The following TTC7B variants were observed in gnomAD, a reference collection of about 807,000 sequenced individuals.
TTC7B encodes tetratricopeptide repeat protein 7B.
In TTC7B, 28 loss-of-function variants were observed where a neutral mutation model predicts 106.8. The observed-to-expected ratio is 0.26, with a 90% CI of 0.19 to 0.36. The LOEUF (loss-of-function observed/expected upper bound fraction) is 0.36, where lower values mean the gene tolerates loss of function less well. Ranked by LOEUF, TTC7B falls within the 10% of genes least tolerant of loss-of-function variation. TTC7B has a pLI of 1.00. For missense variants in TTC7B, 862 were observed against 1,076.4 expected, an observed-to-expected ratio of 0.80 and a Z score of 2.79; for synonymous variants, 405 against 430.6, an observed-to-expected ratio of 0.94 and a Z score of 0.74.
Position 90,537,380 on chromosome 14 carries a change from G to GGGC in TTC7B, c.*3987_*3988insGCC, listed in dbSNP as rs1889445406. ...TTTTTTTTTTTGTAGAGATGGGGGG[G>GGGC]GGGTCTCACCATGTTGCCCAGGCTG... On this transcript the variant is annotated 3_prime_UTR_variant, in exon 20 of 20. Transcript: ENST00000328459. The GGGC allele has an allele frequency of 6.7e-6, 1 of 149,816 alleles. No homozygotes were observed. Among genetic ancestry groups the GGGC allele is most frequent in the African/African-American group, 2.5e-5 (1 of 40,146 alleles). The allele number at this position is 149,816 out of a possible 1,614,324, so 9.3% of individuals were successfully genotyped here.
chr14:90,786,400 C>T, intron 1 of TTC7B, 72 bp from the exon 2 acceptor site: 1 of 1,577,446 alleles, frequency 6.3e-7, no homozygotes, highest in Non-Finnish European at 8.6e-7. Context: ...ACTCAAGGGA[C>T]CCCAGAACCA....
chr14:90,776,174 C>CACACAA (rs2140031205), intron 3 of TTC7B, among the ~76,000 whole-genome samples: 2 of 150,844 alleles, frequency 1.3e-5, no homozygotes, highest in East Asian at 3.9e-4. Context: ...CACACACACA[C>CACACAA]ACGCCAGGAA....
intron 15 of TTC7B, among the ~76,000 whole-genome samples, chr14:90,630,622 G>A (rs557651686): frequency 4.2e-4 from 64 of 152,174 alleles, no homozygotes; most frequent in Middle Eastern, 3.4e-3. Flanking sequence ...AACTGAAACC[G>A]CACCCACTGA....
intron 3 of TTC7B, among the ~76,000 whole-genome samples, chr14:90,761,375 C>A (rs991655856): frequency 2.0e-5 from 3 of 152,098 alleles, no homozygotes; most frequent in Admixed American, 2.0e-4. Flanking sequence ...ATCACCCCCA[C>A]CAGATCCACC....
chr14:90,542,660 CT>C (rs1889654291), intron 19 of TTC7B, among the ~76,000 whole-genome samples: 1 of 129,532 alleles, frequency 7.7e-6, no homozygotes. Context: ...CCCTGAAAAC[CT>C]TTGGTTAAAT....
chr14:90,768,144 A>G (rs1595360866), intron 3 of TTC7B, among the ~76,000 whole-genome samples: 1 of 152,244 alleles, frequency 6.6e-6, no homozygotes, highest in East Asian at 1.9e-4. Flanking sequence ...CCAGATTGCA[A>G]TAGGCTGATA....
chr14:90,658,559 A>G (rs1325066449), intron 9 of TTC7B, among the ~76,000 whole-genome samples, 172 bp from the exon 10 acceptor site: 1 of 152,218 alleles, frequency 6.6e-6, no homozygotes, highest in Non-Finnish European at 1.5e-5. Flanking sequence ...CCCACACAGG[A>G]TGATGCACCA....
intron 15 of TTC7B, among the ~76,000 whole-genome samples, chr14:90,629,777 C>T (rs1464792059): frequency 1.3e-5 from 2 of 152,234 alleles, no homozygotes; most frequent in Non-Finnish European, 2.9e-5. Context: ...CCATGGTGCC[C>T]CTCCTGGCCC....
intron 18 of TTC7B, among the ~76,000 whole-genome samples, chr14:90,589,620 C>T (rs1891869115): frequency 1.3e-5 from 2 of 152,084 alleles, no homozygotes; most frequent in African/African-American, 4.8e-5. Flanking sequence ...AAAGGGTAGA[C>T]TGTGTATAGG....
At chr14:90,554,164 C>A (rs4904703) in intron 19 of TTC7B, among the ~76,000 whole-genome samples, 69,315 of 152,076 alleles carry the variant, frequency 0.46, 16,171 homozygotes, top group Admixed American at 0.52. Context: ...TTTAGAGAAC[C>A]GTTGCTGGCA....
chr14:90,767,728 G>GA (rs1201566131), intron 3 of TTC7B, among the ~76,000 whole-genome samples: 1 of 151,836 alleles, frequency 6.6e-6, no homozygotes, highest in Non-Finnish European at 1.5e-5. Flanking sequence ...AGAACAAACA[G>GA]AAAAAAAGAT....
chr14:90,692,951 T>C (rs1887532629), intron 6 of TTC7B, among the ~76,000 whole-genome samples: 1 of 152,050 alleles, frequency 6.6e-6, no homozygotes, highest in African/African-American at 2.4e-5. Flanking sequence ...TTGTCCATCC[T>C]GTCTCACCCC....
chr14:90,644,230 A>C (rs1314684019), intron 14 of TTC7B, 22 bp from the exon 15 acceptor site: 8 of 1,539,750 alleles, frequency 5.2e-6, no homozygotes, highest in Non-Finnish European at 6.9e-6. Context: ...CAAAACCAAA[A>C]AAGGTTTTAC....
At position 90,529,010 on chromosome 14, in the gene TTC7B, GC is replaced by G. The variant is rs1474472381; in HGVS notation, c.*12357del. The G allele has an allele frequency of 1.4e-5, 2 of 147,768 alleles. No homozygotes were observed. Among genetic ancestry groups the G allele is most frequent in the Non-Finnish European group, 2.9e-5 (2 of 69,122 alleles). 9.2% of individuals were successfully genotyped at this position (147,768 alleles called of 1,614,324 possible). On this transcript the variant is annotated 3_prime_UTR_variant, in exon 20 of 20. Transcript: ENST00000328459. ...GTTTCCAATGGCGTGACCTGACTGA[GC>G]TTTGTTACCTGTTTCTGATGGTGTG...
intron 1 of TTC7B, among the ~76,000 whole-genome samples, chr14:90,793,460 G>A (rs1194961547): frequency 6.6e-6 from 1 of 150,630 alleles, no homozygotes; most frequent in Non-Finnish European, 1.5e-5. Flanking sequence ...AAGAGGCGGA[G>A]GTTATAGTGA....
chr14:90,544,077 G>A (rs1385298647), intron 19 of TTC7B, among the ~76,000 whole-genome samples: 3 of 152,212 alleles, frequency 2.0e-5, no homozygotes. Flanking sequence ...TGGCCCCTGT[G>A]GAGGCTCAGA....
intron 18 of TTC7B, among the ~76,000 whole-genome samples, chr14:90,592,509 GA>G (rs1349802864): frequency 3.9e-5 from 6 of 152,154 alleles, no homozygotes; most frequent in Admixed American, 3.3e-4. Flanking sequence ...AGGAGTTCGA[GA>G]CCAGCCTGGC....
At chr14:90,792,216 T>C (rs1399154819) in intron 1 of TTC7B, among the ~76,000 whole-genome samples, 1 of 152,100 alleles carries the variant, frequency 6.6e-6, no homozygotes, top group Middle Eastern at 3.2e-3. Context: ...GTTTCTCTGA[T>C]CTCCTGATGC....
At chr14:90,774,032 G>T (rs1890946947) in intron 3 of TTC7B, among the ~76,000 whole-genome samples, 1 of 152,212 alleles carries the variant, frequency 6.6e-6, no homozygotes, top group Non-Finnish European at 1.5e-5. Context: ...AGGAGCCACT[G>T]CTGTGGACAT....
Sources: allele counts gnomAD v4.1 joint callset (sites outside exome capture counted in the v4.1 genomes callset), GRCh38; gene constraint gnomAD v4.1.1; transcripts MANE v1.5; gene names NCBI Gene and HGNC (gene_info 2026-07-23, HGNC 2026-07-21).